PARVB: variants seen among roughly 807,000 people sequenced by gnomAD.
PARVB encodes the protein parvin beta, also known as beta-parvin.
Under a neutral mutation model 47.0 loss-of-function variants are expected in PARVB, and 46 were observed. The observed-to-expected ratio is 0.98, with a 90% CI of 0.77 to 1.25. PARVB has a LOEUF of 1.25. PARVB is among the 50% of genes most tolerant of loss of function. The probability of loss-of-function intolerance (pLI) is 0.00; values close to 1 mark genes in which losing one functional copy is unlikely to be tolerated. For synonymous variants in PARVB, 196 were observed against 196.3 expected (o/e 1.00, Z 0.01); for missense variants, 473 against 471.6 (o/e 1.00, Z -0.03).
At position 44,156,491 on chromosome 22, in the gene PARVB, C is replaced by A. The variant is rs1352959898; in HGVS notation, c.844-1491C>A. On this transcript the variant is annotated intron_variant, in intron 10 of 12. Coordinates refer to ENST00000338758, the MANE Select transcript of PARVB (RefSeq NM_013327.5). ...ACGGGGTTTCACCCTGTTGGTCAGGCTGGTCTTGAACTCCTGACCTTGTGA... is the reference window on the plus strand; with the variant it reads ...ACGGGGTTTCACCCTGTTGGTCAGGATGGTCTTGAACTCCTGACCTTGTGA... 3.3e-5 allele frequency among the ~76,000 whole-genome samples: 5 copies of A among 152,148 alleles called. No individual in the cohort carries two copies. The South Asian group carries it at 6.2e-4, about 19-fold the overall frequency.
intron 1 of PARVB, among the ~76,000 whole-genome samples, chr22:44,092,316 G>A (rs2052188800): frequency 6.6e-6 from 1 of 152,100 alleles, no homozygotes; most frequent in African/African-American, 2.4e-5. Flanking sequence ...CCACCATGTT[G>A]GCCAGGATGG....
chr22:44,100,029 G>A lies in PARVB; in HGVS notation c.203-24G>A, dbSNP rs767199894. Reference sequence around the variant, plus strand: ...CCTGCCACCCCCACAATCGCTGACCGTGACTTCCTTTTGTCCCTGGCAGAG... The same window carrying A: ...CCTGCCACCCCCACAATCGCTGACCATGACTTCCTTTTGTCCCTGGCAGAG... On this transcript the variant is annotated intron_variant, in intron 2 of 12. Transcript: ENST00000338758. 28 of 1,608,352 alleles carry A rather than the reference G, an allele frequency of 1.7e-5. No homozygotes were observed. The East Asian group carries it at 2.7e-4, about 15-fold the overall frequency.
chr22:44,158,588 A>G (rs1245602605), intron 11 of PARVB, among the ~76,000 whole-genome samples: 1 of 151,408 alleles, frequency 6.6e-6, no homozygotes, highest in African/African-American at 2.4e-5. Context: ...TTTTTTTTTC[A>G]TTCCTGTGGA....
intron 1 of PARVB, among the ~76,000 whole-genome samples, chr22:44,034,390 A>G (rs2050882225): frequency 6.6e-6 from 1 of 151,270 alleles, no homozygotes. Flanking sequence ...TTATACATAT[A>G]TATATGTTTG....
At chr22:44,154,969 CTG>C (rs1230389202) in intron 10 of PARVB, among the ~76,000 whole-genome samples, 6 of 108,976 alleles carry the variant, frequency 5.5e-5, no homozygotes, top group African/African-American at 1.5e-4. Context: ...TTTTTGTAGT[CTG>C]TGTGGTGTGT....
intron 8 of PARVB, chr22:44,144,022 G>A (rs2284158): frequency 0.37 from 56,573 of 152,152 alleles, 11,253 homozygotes; most frequent in Non-Finnish European, 0.45. Flanking sequence ...TAACTCCCAC[G>A]TTGCAGGCCA....
chr22:44,116,447 C>G (rs2052904720), intron 3 of PARVB, among the ~76,000 whole-genome samples: 1 of 152,202 alleles, frequency 6.6e-6, no homozygotes, highest in Non-Finnish European at 1.5e-5. Flanking sequence ...CCGTGTGTCT[C>G]TTGGAGTCTA....
At chr22:44,110,980 T>G (rs762354330) in intron 3 of PARVB, 8 of 152,256 alleles carry the variant, frequency 5.3e-5, no homozygotes, top group Non-Finnish European at 8.8e-5. Flanking sequence ...TGATACTTAT[T>G]ATCTTTTTGA....
intron 11 of PARVB, among the ~76,000 whole-genome samples, chr22:44,159,226 G>T (rs1229291185): frequency 6.6e-6 from 1 of 152,232 alleles, no homozygotes; most frequent in Non-Finnish European, 1.5e-5. Flanking sequence ...CCCCGATATG[G>T]CTGGTTGCAG....
In PARVB at chr22:44,042,148, G is replaced by A. The variant is rs1243218770; in HGVS notation, c.112+17697G>A. Among the ~76,000 whole-genome samples, 5 of 152,128 alleles carry A rather than the reference G, an allele frequency of 3.3e-5. No homozygotes were observed. In the South Asian group the frequency reaches 6.2e-4, roughly 19 times the overall value. On this transcript the variant is annotated intron_variant, in intron 1 of 12. Coordinates refer to ENST00000338758, the MANE Select transcript of PARVB (RefSeq NM_013327.5). ...TCACTTAAGAAAATCTAGGCTGGGC[G>A]CGGTGGCTCATGCCTGTAATCCCAG...
At chr22:44,022,721 C>T (rs1456410254), upstream of PARVB, among the ~76,000 whole-genome samples, 2 of 151,114 alleles carry the variant, frequency 1.3e-5, no homozygotes. Context: ...GCCTTCACTC[C>T]TCCTACTTCT....
At chr22:44,130,827 T>C (rs1005674046) in intron 4 of PARVB, among the ~76,000 whole-genome samples, 1 of 152,168 alleles carries the variant, frequency 6.6e-6, no homozygotes, top group Non-Finnish European at 1.5e-5. Context: ...TTCCCGAGTA[T>C]AACACCCACA....
At chr22:44,099,332 G>T (rs372698628) in intron 2 of PARVB, among the ~76,000 whole-genome samples, 1 of 152,162 alleles carries the variant, frequency 6.6e-6, no homozygotes, top group Non-Finnish European at 1.5e-5. Context: ...TGTGGAGCAC[G>T]CCTAGCCTTG....
chr22:44,086,021 C>A (rs1160023592), intron 1 of PARVB, among the ~76,000 whole-genome samples: 2 of 152,178 alleles, frequency 1.3e-5, no homozygotes, highest in Admixed American at 1.3e-4. Flanking sequence ...GAACCTCATG[C>A]CCCAGCACAA....
intron 4 of PARVB, among the ~76,000 whole-genome samples, chr22:44,126,410 C>A (rs2053186692): frequency 6.6e-6 from 1 of 152,192 alleles, no homozygotes; most frequent in South Asian, 2.1e-4. Context: ...TACAGTCACA[C>A]CCAGCACTGT....
At chr22:43,999,635 GATCAGGAGTGGAAACATCTGA>G (rs1244345095) in exon 2 of PARVB, 5 of 1,613,740 alleles carry the variant, frequency 3.1e-6, no homozygotes, top group Non-Finnish European at 4.2e-6. Flanking sequence ...GGCTCAGACA[GATCAGGAGTGGAAACATCTGA>G]ATATGCTCAA....
intron 1 of PARVB, chr22:44,031,652 T>C (rs1885646677): frequency 6.6e-6 from 1 of 151,948 alleles, no homozygotes; most frequent in African/African-American, 2.4e-5. Context: ...CCCACACTCA[T>C]CAAAGGGACT....
chr22:44,166,253 G>A (rs571131874), intron 12 of PARVB, among the ~76,000 whole-genome samples: 70 of 152,330 alleles, frequency 4.6e-4, no homozygotes, highest in Non-Finnish European at 8.2e-4. Context: ...GGGATTACAG[G>A]CACCCGCCAC....
chr22:44,077,974 AG>A (rs2051815874), intron 1 of PARVB, among the ~76,000 whole-genome samples: 1 of 152,094 alleles, frequency 6.6e-6, no homozygotes. Context: ...CTGGGATTGT[AG>A]GCAGGGGATA....
Sources: gnomAD v4.1 joint callset for allele counts (sites outside exome capture counted in the v4.1 genomes callset) on GRCh38, gnomAD v4.1.1 for gene constraint, MANE v1.5 for transcripts, NCBI Gene and HGNC (gene_info 2026-07-23, HGNC 2026-07-21) for gene names.